Variants in RMDN2 observed in about 807,000 individuals in gnomAD.
The protein encoded by RMDN2 is regulator of microtubule dynamics 2.
A neutral mutation model predicts 52.8 loss-of-function variants in RMDN2; 61 were observed. The observed-to-expected ratio is 1.16, with a 90% CI of 0.94 to 1.43. The LOEUF is 1.43. Among genes scored for constraint, RMDN2 ranks in the 40% most tolerant of loss-of-function variants. The pLI, the probability that RMDN2 is intolerant of heterozygous loss-of-function variation, is 0.00. For missense variants in RMDN2, 592 were observed against 475.3 expected (o/e 1.25, Z -2.28); for synonymous variants, 180 against 153.1 (o/e 1.18, Z -1.30).
At chr2:37,924,639 T>C (rs1572652987), upstream of RMDN2, among the ~76,000 whole-genome samples, 1 of 152,216 alleles carries the variant, frequency 6.6e-6, no homozygotes, top group African/African-American at 2.4e-5. Context: ...AGTGCTGGGA[T>C]TACAGGCGTG....
chr2:37,985,192 T>C (rs1224060461), intron 5 of RMDN2, among the ~76,000 whole-genome samples: 1 of 152,064 alleles, frequency 6.6e-6, no homozygotes, highest in African/African-American at 2.4e-5. Context: ...CCTAGAGATA[T>C]CCATAAGTAG....
intron 4 of RMDN2, among the ~76,000 whole-genome samples, chr2:37,978,078 G>T (rs1238180320): frequency 1.3e-5 from 2 of 152,224 alleles, no homozygotes; most frequent in Non-Finnish European, 2.9e-5. Context: ...CGACACCTCG[G>T]GAGGCCGAGG....
intron 2 of RMDN2, among the ~76,000 whole-genome samples, chr2:37,965,601 C>G (rs1261541961): frequency 1.3e-5 from 2 of 152,016 alleles, no homozygotes; most frequent in South Asian, 2.1e-4. Flanking sequence ...TTCATAATTA[C>G]TTTTTACTTT....
rs751407559 is a variant in RMDN2, at chr2:37,974,148, T to A, written c.561T>A (p.Asp187Glu). The change falls in exon 3 of 11, where the codon GAT becomes GAA. Residue 187 changes from aspartate to glutamate, a missense_variant. Physicochemically the swap from Asp to Glu is conservative, Grantham distance 45 (BLOSUM62 2). Transcript: ENST00000354545. ...TAGATGTCCTTCTTCAGAAGGTAGATCATTTACGTATGAGTGAGTCTGGCA... is the reference window on the plus strand; with the variant it reads ...TAGATGTCCTTCTTCAGAAGGTAGAACATTTACGTATGAGTGAGTCTGGCA... ...LNLDVLLQKVDHLRMSESGKS... is the reference protein window; with the variant it reads ...LNLDVLLQKVEHLRMSESGKS... 2.5e-6 allele frequency: 4 copies of A among 1,613,332 alleles called. No homozygotes were observed. The African/African-American group carries it at 5.3e-5, about 22-fold the overall frequency.
At chr2:37,959,158 T>C (rs867599193) in intron 2 of RMDN2, among the ~76,000 whole-genome samples, 4 of 151,058 alleles carry the variant, frequency 2.6e-5, no homozygotes, top group Admixed American at 1.3e-4. Context: ...AGGATGATGC[T>C]GGCCTCATAA....
At chr2:37,924,962 T>G (rs1367723375), upstream of RMDN2, among the ~76,000 whole-genome samples, 1 of 152,128 alleles carries the variant, frequency 6.6e-6, no homozygotes, top group Non-Finnish European at 1.5e-5. Flanking sequence ...AAGGTTTAAC[T>G]AGGGGAGAGG....
At chr2:37,930,281 TC>T (rs1262930780) in intron 2 of RMDN2, among the ~76,000 whole-genome samples, 3 of 152,314 alleles carry the variant, frequency 2.0e-5, no homozygotes, top group African/African-American at 7.2e-5. Flanking sequence ...TTAGTGCAGG[TC>T]AAAAAAGACT....
At chr2:38,004,984 T>A (rs1392312653) in intron 10 of RMDN2, among the ~76,000 whole-genome samples, 1 of 152,104 alleles carries the variant, frequency 6.6e-6, no homozygotes, top group Non-Finnish European at 1.5e-5. Flanking sequence ...TTGCTGAGAA[T>A]GATGGTTTCC....
intron 2 of RMDN2, among the ~76,000 whole-genome samples, chr2:37,961,140 C>T (rs1256862535): frequency 6.6e-6 from 1 of 151,998 alleles, no homozygotes; most frequent in African/African-American, 2.4e-5. Context: ...TTGTTTCAAG[C>T]TTGGTGAATC....
intron 2 of RMDN2, chr2:37,950,496 G>A: frequency 6.2e-7 from 1 of 1,612,514 alleles, no homozygotes; most frequent in East Asian, 2.2e-5. Flanking sequence ...CTTCTGACCT[G>A]TTCCACCTCT....
intron 2 of RMDN2, among the ~76,000 whole-genome samples, chr2:37,962,681 C>G (rs1186880121): frequency 6.6e-6 from 1 of 152,142 alleles, no homozygotes; most frequent in South Asian, 2.1e-4. Context: ...GCTTTTGCCT[C>G]CTTTCCCAGG....
At chr2:38,065,760 G>A (rs1682249828) in intron 10 of RMDN2, among the ~76,000 whole-genome samples, 1 of 152,186 alleles carries the variant, frequency 6.6e-6, no homozygotes, top group East Asian at 1.9e-4. Flanking sequence ...AAGGAACCTT[G>A]GTCCAGACAG....
Position 37,935,768 on chromosome 2 carries a change from G to GT in RMDN2, c.452+6045dup, listed in dbSNP as rs200919951. On this transcript the variant is annotated intron_variant, in intron 2 of 10. Coordinates refer to ENST00000354545, the MANE Select transcript of RMDN2 (RefSeq NM_001170791.3). ...CATGTTTTGCAATAAATTTTTTTGA[G>GT]TTTTTTCCATATTGATATGTATATA... Among the ~76,000 whole-genome samples, 857 of 151,956 alleles carry GT rather than the reference G, an allele frequency of 5.6e-3. 12 individuals carry two copies. The highest frequency in any genetic ancestry group is 0.037 in the East Asian group (191 of 5,170).
At position 38,052,205 on chromosome 2, in the gene RMDN2, G is replaced by C. The variant is rs114401220; in HGVS notation, c.1714-14777G>C. On this transcript the variant is annotated intron_variant, in intron 10 of 10. Coordinates refer to the RMDN2 transcript ENST00000234195. Reference sequence around the variant, plus strand: ...GTTACTTTTGGTCTTTTTGATAATAGACATTGTAACTGTGGTAAGATGATA... The same window carrying C: ...GTTACTTTTGGTCTTTTTGATAATACACATTGTAACTGTGGTAAGATGATA... Among the ~76,000 whole-genome samples, 841 of 152,118 alleles carry C rather than the reference G, an allele frequency of 5.5e-3. 9 individuals carry two copies. The highest frequency in any genetic ancestry group is 0.019 in the African/African-American group (774 of 41,504).
chr2:37,994,822 G>A (rs1169077210), intron 7 of RMDN2, among the ~76,000 whole-genome samples: 1 of 152,108 alleles, frequency 6.6e-6, no homozygotes, highest in Admixed American at 6.5e-5. Context: ...CTCACACAAA[G>A]ACTAGCATAT....
chr2:37,996,261 T>C lies in RMDN2; in HGVS notation c.946-1155T>C, dbSNP rs138131552. Reference sequence around the variant, plus strand: ...ATAAGCATACGAATAAGAAAAATTATGTCAAAAAATAAGGAAATAATTTTT... The same window carrying C: ...ATAAGCATACGAATAAGAAAAATTACGTCAAAAAATAAGGAAATAATTTTT... On this transcript the variant is annotated intron_variant, in intron 7 of 10. Coordinates refer to ENST00000354545, the MANE Select transcript of RMDN2 (RefSeq NM_001170791.3). Among the ~76,000 whole-genome samples the C allele has an allele frequency of 4.9e-4, 74 of 152,236 alleles. No homozygotes were observed. In the East Asian group the frequency reaches 0.011, roughly 23 times the overall value.
intron 2 of RMDN2, among the ~76,000 whole-genome samples, chr2:37,971,265 G>A (rs1420896484): frequency 6.6e-6 from 1 of 152,042 alleles, no homozygotes; most frequent in Admixed American, 6.6e-5. Context: ...TTTTATATAT[G>A]ATAGGAAGTG....
intron 2 of RMDN2, among the ~76,000 whole-genome samples, chr2:37,945,818 A>G (rs759387320): frequency 5.3e-5 from 8 of 152,134 alleles, no homozygotes; most frequent in Non-Finnish European, 7.3e-5. Context: ...GAGTCTATAC[A>G]CTTTACCACT....
At chr2:37,949,055 A>T (rs755395552) in intron 2 of RMDN2, among the ~76,000 whole-genome samples, 25 of 152,206 alleles carry the variant, frequency 1.6e-4, no homozygotes, top group Non-Finnish European at 3.2e-4. Flanking sequence ...TGTGCAAAAG[A>T]GATCCTTTTG....
Sources: gnomAD v4.1 joint callset for allele counts (sites outside exome capture counted in the v4.1 genomes callset) on GRCh38, gnomAD v4.1.1 for gene constraint, MANE v1.5 for transcripts, NCBI Gene and HGNC (gene_info 2026-07-23, HGNC 2026-07-21) for gene names.